Variants in NXPE4 observed in about 807,000 individuals in gnomAD.
NXPE4 encodes the protein NXPE family member 4.
A neutral mutation model predicts 33.3 loss-of-function variants in NXPE4; 42 were observed. The ratio of observed to expected loss-of-function variants is 1.26; its 90% CI spans 0.98 to 1.63. NXPE4 has a LOEUF of 1.63. NXPE4 is among the 40% of genes most tolerant of loss of function. The probability of loss-of-function intolerance (pLI) is 0.00; values close to 1 mark genes in which losing one functional copy is unlikely to be tolerated. For missense variants in NXPE4, 709 were observed against 647.6 expected (o/e 1.09, Z -1.03); for synonymous variants, 253 against 234.9 (o/e 1.08, Z -0.71).
chr11:114,632,970 T>A, the NXPE4 span, among the ~76,000 whole-genome samples: 3 of 103,506 alleles, frequency 2.9e-5, no homozygotes, highest in African/African-American at 1.2e-4. Context: ...AATTATATAT[T>A]ATATATTATA....
intron 2 of NXPE4, among the ~76,000 whole-genome samples, chr11:114,588,381 T>C (rs12276857): frequency 0.011 from 1,700 of 152,290 alleles, 27 homozygotes; most frequent in African/African-American, 0.038. Context: ...CTGATAAGTA[T>C]ATAAAAGCTT....
At chr11:114,633,661 G>T in the NXPE4 span, among the ~76,000 whole-genome samples, 1,357 of 144,762 alleles carry the variant, frequency 9.4e-3, 21 homozygotes, top group African/African-American at 0.033. Flanking sequence ...TCCCCTTCCT[G>T]TGTCCATGTG....
chr11:114,576,373 T>C (rs1453145673), intron 5 of NXPE4, among the ~76,000 whole-genome samples: 2 of 151,978 alleles, frequency 1.3e-5, no homozygotes, highest in African/African-American at 4.8e-5. Flanking sequence ...AACTAAAAAC[T>C]TCTGCATAGC....
upstream of NXPE4, among the ~76,000 whole-genome samples, chr11:114,598,132 A>C (rs1949599101): frequency 6.6e-6 from 1 of 152,202 alleles, no homozygotes; most frequent in African/African-American, 2.4e-5. Flanking sequence ...GGCAGAAAGA[A>C]AGCAGCTACA....
At chr11:114,676,140 G>C in the NXPE4 span, among the ~76,000 whole-genome samples, 1 of 151,818 alleles carries the variant, frequency 6.6e-6, no homozygotes, top group Admixed American at 6.6e-5. Context: ...ACCTGAAACT[G>C]TAAAACTGCT....
Position 114,582,515 on chromosome 11 carries a change from C to T in NXPE4, c.603G>A (p.Arg201=). The change falls in exon 3 of 6, where the codon AGG becomes AGA. Residue 201 remains arginine (R), a synonymous_variant. Transcript: ENST00000375478. ...TGACAAACTGGCCAGTGAAGATCAC[C>T]CTGTCATAGCCTTGGTTCCTTGCAC... ...LWSARNQGYD[R]VIFTGQFVNG... The T allele has an allele frequency of 3.7e-6, 6 of 1,614,102 alleles. No individual in the cohort carries two copies. Among genetic ancestry groups the T allele is most frequent in the Non-Finnish European group, 4.2e-6 (5 of 1,180,004 alleles).
rs1424098643 is a variant in NXPE4, at chr11:114,582,683, T to G, written c.435A>C (p.Pro145=). 1 of 1,614,118 alleles carries G rather than the reference T, an allele frequency of 6.2e-7. No homozygotes were observed. Among genetic ancestry groups the G allele is most frequent in the East Asian group, 2.2e-5 (1 of 44,876 alleles). ...GDFLRARMSS[P]ALMAGASGKV... Reference sequence around the variant, plus strand: ...TTCCTGAAGCACCTGCCATCAGCGCTGGGGAAGACATCCTGGCCCTCAGGA... The same window carrying G: ...TTCCTGAAGCACCTGCCATCAGCGCGGGGGAAGACATCCTGGCCCTCAGGA... Residue 145 remains proline, a synonymous_variant, in exon 3 of 6, where the codon CCA becomes CCC. Coordinates refer to ENST00000375478, the MANE Select transcript of NXPE4 (RefSeq NM_001077639.2).
chr11:114,593,811 G>A (rs1949517174), intron 2 of NXPE4, among the ~76,000 whole-genome samples: 1 of 151,970 alleles, frequency 6.6e-6, no homozygotes. Context: ...AGAAAATATG[G>A]TATATATACA....
the NXPE4 span, among the ~76,000 whole-genome samples, chr11:114,627,174 C>T: frequency 2.6e-5 from 4 of 152,082 alleles, no homozygotes; most frequent in East Asian, 7.7e-4. Context: ...GAGAACGCCA[C>T]AAAGATACTC....
At chr11:114,581,614 G>T in intron 4 of NXPE4, 111 bp downstream of exon 4, 1 of 846,548 alleles carries the variant, frequency 1.2e-6, no homozygotes, top group Non-Finnish European at 1.9e-6. Flanking sequence ...AGATAAGCCA[G>T]ATGAACAGAG....
the NXPE4 span, among the ~76,000 whole-genome samples, chr11:114,656,726 T>C: frequency 6.6e-6 from 1 of 152,126 alleles, no homozygotes; most frequent in Non-Finnish European, 1.5e-5. Context: ...AAATTAATTA[T>C]ATGAAAAATA....
At chr11:114,613,634 T>A in the NXPE4 span, among the ~76,000 whole-genome samples, 1 of 152,014 alleles carries the variant, frequency 6.6e-6, no homozygotes, top group Non-Finnish European at 1.5e-5. Flanking sequence ...ACACACTGGA[T>A]AACAAGTGTT....
chr11:114,671,400 A>G, the NXPE4 span, among the ~76,000 whole-genome samples: 8 of 151,916 alleles, frequency 5.3e-5, no homozygotes, highest in Non-Finnish European at 1.2e-4. Flanking sequence ...AAAATTCCTC[A>G]AATTTAATGA....
At chr11:114,625,126 C>T in the NXPE4 span, among the ~76,000 whole-genome samples, 2 of 152,156 alleles carry the variant, frequency 1.3e-5, no homozygotes, top group African/African-American at 4.8e-5. Context: ...TGGGTAACCA[C>T]TTCTAATGAC....
rs569931611 is a variant in NXPE4, at chr11:114,577,174, A to G, written c.1099+2958T>C. Among the ~76,000 whole-genome samples, 170 of 147,082 alleles carry G rather than the reference A, an allele frequency of 1.2e-3. 1 individual carries two copies. Among genetic ancestry groups the G allele is most frequent in the African/African-American group, 3.6e-3 (145 of 40,366 alleles). ...ATATATATGTGTCATATATATATATATATATAAAATGTTATACACACACAC... is the reference window on the plus strand; with the variant it reads ...ATATATATGTGTCATATATATATATGTATATAAAATGTTATACACACACAC... On this transcript the variant is annotated intron_variant, in intron 5 of 5. Coordinates refer to ENST00000375478, the MANE Select transcript of NXPE4 (RefSeq NM_001077639.2).
At chr11:114,673,534 A>C in the NXPE4 span, among the ~76,000 whole-genome samples, 3 of 151,818 alleles carry the variant, frequency 2.0e-5, no homozygotes, top group African/African-American at 7.2e-5. Context: ...AAACCAAAAA[A>C]AAGTCCTTTC....
At chr11:114,618,989 G>T in the NXPE4 span, among the ~76,000 whole-genome samples, 2 of 151,518 alleles carry the variant, frequency 1.3e-5, no homozygotes, top group African/African-American at 4.8e-5. Context: ...GTGGATAATA[G>T]GTATTGCTTC....
At chr11:114,599,678 A>G (rs941424046), upstream of NXPE4, among the ~76,000 whole-genome samples, 10 of 152,166 alleles carry the variant, frequency 6.6e-5, no homozygotes, top group Non-Finnish European at 4.4e-5. Flanking sequence ...CAGGTGTCTT[A>G]CATGGCCAGA....
chr11:114,667,466 C>T, the NXPE4 span, among the ~76,000 whole-genome samples: 35 of 152,146 alleles, frequency 2.3e-4, no homozygotes, highest in East Asian at 4.3e-3. Context: ...TGATACTCCA[C>T]CCTCAAAGAA....
Sources: gnomAD v4.1 joint callset for allele counts (sites outside exome capture counted in the v4.1 genomes callset) on GRCh38, gnomAD v4.1.1 for gene constraint, MANE v1.5 for transcripts, NCBI Gene and HGNC (gene_info 2026-07-23, HGNC 2026-07-21) for gene names.